CDH8: variants seen among roughly 807,000 people sequenced by gnomAD.
CDH8 encodes the protein cadherin-8.
Under a neutral mutation model 68.1 loss-of-function variants are expected in CDH8, and 17 were observed. The observed-to-expected ratio is 0.25, with a 90% CI of 0.17 to 0.37. CDH8 has a LOEUF of 0.37. CDH8 is among the 10% of genes least tolerant of loss of function. The pLI is 1.00. For synonymous variants in CDH8, 372 were observed against 365.1 expected, an observed-to-expected ratio of 1.02 and a Z score of -0.21; for missense variants, 763 against 999.3, an observed-to-expected ratio of 0.76 and a Z score of 3.19.
intron 3 of CDH8, among the ~76,000 whole-genome samples, chr16:61,892,942 G>T (rs1283125677): frequency 6.6e-6 from 1 of 152,288 alleles, no homozygotes; most frequent in Admixed American, 6.5e-5. Context: ...CAGTTATAGA[G>T]CTGAACTTGT....
chr16:61,666,758 A>G (rs1021400775), intron 10 of CDH8, among the ~76,000 whole-genome samples: 7 of 152,058 alleles, frequency 4.6e-5, no homozygotes, highest in African/African-American at 1.7e-4. Context: ...CACTGTGTTT[A>G]GTAGGTATGG....
chr16:61,682,333 C>A (rs1187949912), intron 10 of CDH8, among the ~76,000 whole-genome samples: 1 of 151,736 alleles, frequency 6.6e-6, no homozygotes, highest in Non-Finnish European at 1.5e-5. Context: ...ATATAGAAAT[C>A]TAAGAAGATG....
chr16:62,032,513 A>G (rs1487911335), intron 1 of CDH8, among the ~76,000 whole-genome samples: 1 of 152,224 alleles, frequency 6.6e-6, no homozygotes, highest in Non-Finnish European at 1.5e-5. Flanking sequence ...GCTGAAAACA[A>G]AAAGAAAATT....
chr16:61,731,846 A>T (rs961097301), intron 8 of CDH8, among the ~76,000 whole-genome samples: 1 of 151,844 alleles, frequency 6.6e-6, no homozygotes, highest in East Asian at 1.9e-4. Flanking sequence ...ACATATATTT[A>T]AAAAGGCATA....
At chr16:61,999,738 G>T (rs943246114) in intron 2 of CDH8, among the ~76,000 whole-genome samples, 1 of 151,840 alleles carries the variant, frequency 6.6e-6, no homozygotes, top group African/African-American at 2.4e-5. Context: ...GCTCACTGGG[G>T]CATGAAAAGA....
At position 61,959,982 on chromosome 16, in the gene CDH8, GTGTATATATA is replaced by G. The variant is rs1464174219; in HGVS notation, c.253-58519_253-58510del. 1.1e-3 allele frequency among the ~76,000 whole-genome samples: 34 copies of G among 31,066 alleles called. 1 individual carries two copies. Among genetic ancestry groups the G allele is most frequent in the African/African-American group, 2.9e-3 (30 of 10,318 alleles). 20.4% of individuals were successfully genotyped at this position (31,066 alleles called of 152,430 possible). A position where few individuals can be genotyped will look rare whatever the true frequency, so the allele number is the denominator to read the frequency against. ...CTGTATGTGGTGTATGTGTGTGTGTGTGTATATATATATATATATATATATATATATATAC... is the reference window on the plus strand; with the variant it reads ...CTGTATGTGGTGTATGTGTGTGTGTGTATATATATATATATATATATATAC... On this transcript the variant is annotated intron_variant, in intron 2 of 11. Transcript: ENST00000577390.
intron 4 of CDH8, among the ~76,000 whole-genome samples, chr16:61,831,991 A>G (rs1302173392): frequency 6.6e-6 from 1 of 151,768 alleles, no homozygotes; most frequent in Non-Finnish European, 1.5e-5. Flanking sequence ...GTAAAAGGCT[A>G]TAAGAGACAA....
At position 61,752,388 on chromosome 16, in the gene CDH8, T is replaced by C. The variant is rs544734725; in HGVS notation, c.1415-25173A>G. On this transcript the variant is annotated intron_variant, in intron 8 of 11. Transcript: ENST00000577390. ...TAGACTTGCACATGATATGGACAGATTGCAAAGAGAATTAAACAACCTCCT... is the reference window on the plus strand; with the variant it reads ...TAGACTTGCACATGATATGGACAGACTGCAAAGAGAATTAAACAACCTCCT... Among the ~76,000 whole-genome samples, 38 of 152,278 alleles carry C rather than the reference T, an allele frequency of 2.5e-4. 1 individual carries two copies. In the Middle Eastern group the frequency reaches 0.024, roughly 95 times the overall value.
chr16:61,931,079 C>A (rs1398095947), intron 2 of CDH8, among the ~76,000 whole-genome samples: 1 of 152,144 alleles, frequency 6.6e-6, no homozygotes, highest in Non-Finnish European at 1.5e-5. Context: ...TTGATTACAC[C>A]ATTTCGAAAT....
chr16:61,970,094 A>G (rs118151095), intron 2 of CDH8, among the ~76,000 whole-genome samples: 1,704 of 152,312 alleles, frequency 0.011, 14 homozygotes, highest in Non-Finnish European at 0.019. Flanking sequence ...ATTACTTTCT[A>G]CAAGGTCACC....
chr16:61,754,597 G>A (rs1960262945), intron 8 of CDH8, among the ~76,000 whole-genome samples: 1 of 151,982 alleles, frequency 6.6e-6, no homozygotes, highest in African/African-American at 2.4e-5. Context: ...ATTAGATTAT[G>A]CTAATCAGGA....
chr16:61,910,811 G>A (rs779266861), intron 2 of CDH8, among the ~76,000 whole-genome samples: 6 of 152,140 alleles, frequency 3.9e-5, no homozygotes, highest in Middle Eastern at 3.4e-3. Context: ...CAACGTATTC[G>A]GGGTTAGAAT....
intron 8 of CDH8, among the ~76,000 whole-genome samples, chr16:61,777,364 T>C (rs1367885440): frequency 6.6e-6 from 1 of 152,168 alleles, no homozygotes; most frequent in Non-Finnish European, 1.5e-5. Context: ...TGTTTTCTGC[T>C]TACCTTCTTT....
chr16:61,996,439 G>C (rs542771392), intron 2 of CDH8, among the ~76,000 whole-genome samples: 1 of 152,178 alleles, frequency 6.6e-6, no homozygotes, highest in African/African-American at 2.4e-5. Context: ...TCTTAAAAGA[G>C]CATTAATGTA....
intron 4 of CDH8, among the ~76,000 whole-genome samples, chr16:61,837,801 T>C (rs1962599369): frequency 6.6e-6 from 1 of 152,012 alleles, no homozygotes; most frequent in Non-Finnish European, 1.5e-5. Context: ...GCCCAGGCTG[T>C]TTGGGAAACT....
rs145120848 is a variant in CDH8, at chr16:61,664,826, G to C, written c.1655-9105C>G. On this transcript the variant is annotated intron_variant, in intron 10 of 11. Coordinates refer to ENST00000577390, the MANE Select transcript of CDH8 (RefSeq NM_001796.5). ...ATATATTAGTCCTATATTCAGAGAG[G>C]GGCACACAGATTGAACAATTATCTC... 2.5e-4 allele frequency among the ~76,000 whole-genome samples: 38 copies of C among 151,996 alleles called. 1 individual carries two copies. In the Middle Eastern group the frequency reaches 0.024, roughly 95 times the overall value.
intron 4 of CDH8, among the ~76,000 whole-genome samples, chr16:61,828,411 C>A (rs1228496412): frequency 6.6e-6 from 1 of 151,894 alleles, no homozygotes; most frequent in Non-Finnish European, 1.5e-5. Context: ...ATTCTACAGA[C>A]TTGCCCTGAC....
At chr16:61,793,013 G>A (rs370236206) in intron 7 of CDH8, among the ~76,000 whole-genome samples, 2 of 151,982 alleles carry the variant, frequency 1.3e-5, no homozygotes, top group African/African-American at 4.8e-5. Flanking sequence ...CAAGGTGATC[G>A]TATTAGAAGG....
intron 10 of CDH8, among the ~76,000 whole-genome samples, chr16:61,680,201 G>C (rs1963987316): frequency 6.6e-6 from 1 of 151,914 alleles, no homozygotes; most frequent in Non-Finnish European, 1.5e-5. Flanking sequence ...ACACTTCGGT[G>C]ATTGTCCATT....
Sources: gnomAD v4.1 joint callset for allele counts (sites outside exome capture counted in the v4.1 genomes callset) on GRCh38, gnomAD v4.1.1 for gene constraint, MANE v1.5 for transcripts, NCBI Gene and HGNC (gene_info 2026-07-23, HGNC 2026-07-21) for gene names.